Variants in PCSK6 observed in about 807,000 individuals in gnomAD.
PCSK6 encodes the protein proprotein convertase subtilisin/kexin type 6, also known as paired basic amino acid cleaving enzyme 4.
A neutral mutation model predicts 123.3 loss-of-function variants in PCSK6; 85 were observed. The observed-to-expected ratio is 0.69, with a 90% CI of 0.58 to 0.83. The LOEUF (loss-of-function observed/expected upper bound fraction) is 0.83, where lower values mean the gene tolerates loss of function less well. Ranked by LOEUF, PCSK6 falls within the 40% of genes least tolerant of loss-of-function variation. The pLI, the probability that PCSK6 is intolerant of heterozygous loss-of-function variation, is 0.00. For synonymous variants in PCSK6, 508 were observed against 516.0 expected, an observed-to-expected ratio of 0.98 and a Z score of 0.21; for missense variants, 1,191 against 1,282.3, an observed-to-expected ratio of 0.93 and a Z score of 1.09.
At chr15:101,325,460 C>T (rs1307141850) in intron 16 of PCSK6, among the ~76,000 whole-genome samples, 1 of 152,138 alleles carries the variant, frequency 6.6e-6, no homozygotes, top group East Asian at 1.9e-4. Flanking sequence ...GCTGGGAGCT[C>T]GAGGACGCCA....
At chr15:101,428,211 G>A (rs900569711) in intron 5 of PCSK6, among the ~76,000 whole-genome samples, 1 of 152,148 alleles carries the variant, frequency 6.6e-6, no homozygotes, top group African/African-American at 2.4e-5. Flanking sequence ...GCTCACGCAT[G>A]GTCACCTCTT....
intron 6 of PCSK6, among the ~76,000 whole-genome samples, chr15:101,404,036 T>G (rs537542172): frequency 6.6e-6 from 1 of 152,260 alleles, no homozygotes; most frequent in African/African-American, 2.4e-5. Flanking sequence ...AAGTGATACA[T>G]TGTTTAATTT....
rs145084138 is a variant in PCSK6 at position 101,425,845 on chromosome 15, G to C, written c.823+2047C>G. ...TATTTACTGTGCACCTCATCTGGGA[G>C]GATCTTTATGCATGTTACTTCCACT... On this transcript the variant is annotated intron_variant, in intron 6 of 21. Transcript: ENST00000611716. Among the ~76,000 whole-genome samples, 975 of 152,256 alleles carry C rather than the reference G, an allele frequency of 6.4e-3. 6 individuals carry two copies. The highest frequency in any genetic ancestry group is 0.027 in the South Asian group (131 of 4,814).
At chr15:101,384,234 T>C in intron 10 of PCSK6, 88 bp downstream of exon 10, 2 of 1,562,248 alleles carry the variant, frequency 1.3e-6, no homozygotes, top group Non-Finnish European at 1.7e-6. Context: ...ACTAATGCTA[T>C]TTGGAGAGTC....
At chr15:101,476,134 A>C (rs2057725420) in intron 1 of PCSK6, among the ~76,000 whole-genome samples, 1 of 152,244 alleles carries the variant, frequency 6.6e-6, no homozygotes, top group Admixed American at 6.5e-5. Context: ...CCACATCTGT[A>C]AAATGAGGGT....
chr15:101,354,972 T>C (rs774317744), intron 13 of PCSK6, among the ~76,000 whole-genome samples: 1 of 152,252 alleles, frequency 6.6e-6, no homozygotes, highest in Non-Finnish European at 1.5e-5. Context: ...CGAGATAAAA[T>C]AGCACCCAGT....
intron 11 of PCSK6, among the ~76,000 whole-genome samples, chr15:101,371,028 G>C (rs1443281417): frequency 2.6e-5 from 4 of 152,196 alleles, no homozygotes; most frequent in Non-Finnish European, 5.9e-5. Flanking sequence ...GGCCAATACG[G>C]TGAAACCCTG....
chr15:101,405,398 G>A (rs141797277), intron 6 of PCSK6, among the ~76,000 whole-genome samples: 2 of 152,312 alleles, frequency 1.3e-5, no homozygotes, highest in East Asian at 3.9e-4. Flanking sequence ...CTAAGGACGA[G>A]TCTGTGGGTG....
intron 9 of PCSK6, among the ~76,000 whole-genome samples, chr15:101,388,289 T>G (rs2042129081): frequency 6.6e-6 from 1 of 152,228 alleles, no homozygotes; most frequent in African/African-American, 2.4e-5. Context: ...TACGCTCAGT[T>G]TGTCTTGTGC....
At chr15:101,386,260 A>C (rs545276370) in intron 9 of PCSK6, among the ~76,000 whole-genome samples, 1 of 152,118 alleles carries the variant, frequency 6.6e-6, no homozygotes, top group Non-Finnish European at 1.5e-5. Context: ...CAGAAGAGAG[A>C]GAGCTGAAGT....
chr15:101,432,138 T>C (rs1278868233), intron 2 of PCSK6, 38 bp from the exon 3 acceptor site: 2 of 1,523,516 alleles, frequency 1.3e-6, no homozygotes, highest in East Asian at 2.3e-5. Flanking sequence ...ATATTAGAAA[T>C]GATTTCTTGA....
At chr15:101,481,681 C>T (rs750989499) in intron 1 of PCSK6, among the ~76,000 whole-genome samples, 16 of 152,224 alleles carry the variant, frequency 1.1e-4, no homozygotes, top group African/African-American at 3.1e-4. Context: ...CAGGAGGAGG[C>T]GATGGTGACC....
At chr15:101,338,182 A>G (rs1410495058) in intron 13 of PCSK6, among the ~76,000 whole-genome samples, 3 of 152,146 alleles carry the variant, frequency 2.0e-5, no homozygotes, top group Admixed American at 2.0e-4. Flanking sequence ...CTTGATAAGA[A>G]TCACCCCCTC....
intron 1 of PCSK6, among the ~76,000 whole-genome samples, chr15:101,446,409 G>A (rs1418707501): frequency 6.6e-6 from 1 of 152,196 alleles, no homozygotes; most frequent in Non-Finnish European, 1.5e-5. Context: ...TTATGGACAC[G>A]TGGATTACTC....
Position 101,447,994 on chromosome 15 carries a change from G to A in PCSK6, c.298-4334C>T, listed in dbSNP as rs577395210. Among the ~76,000 whole-genome samples the A allele has an allele frequency of 1.2e-4, 18 of 152,334 alleles. No individual in the cohort carries two copies. The East Asian group carries it at 3.5e-3, about 29-fold the overall frequency. ...GCGTCCCAGTCCTGCTCAGCCCCGT[G>A]TCCTCCCCTGACCTCCATCTGCTCT... On this transcript the variant is annotated intron_variant, in intron 1 of 21. Transcript: ENST00000611716.
intron 1 of PCSK6, among the ~76,000 whole-genome samples, chr15:101,472,385 G>T (rs916529091): frequency 7.9e-5 from 12 of 152,252 alleles, no homozygotes; most frequent in African/African-American, 2.4e-4. Flanking sequence ...TGTTTCTAAC[G>T]ATGGGACAAT....
At position 101,384,019 on chromosome 15, in the gene PCSK6, G is replaced by A. The variant is rs557081472; in HGVS notation, c.1414+303C>T. 1.0e-5 allele frequency: 8 copies of A among 762,532 alleles called. No individual in the cohort carries two copies. The East Asian group carries it at 6.5e-4, about 62-fold the overall frequency. 47.2% of individuals were successfully genotyped at this position (762,532 alleles called of 1,614,324 possible). On this transcript the variant is annotated intron_variant, in intron 10 of 21. Transcript: ENST00000611716. ...CTAGTAGCTGCGACTATAGGCACAC[G>A]TCATTGCTCCTGGCTTAAAGAGAAC...
At position 101,476,981 on chromosome 15, in the gene PCSK6, G is replaced by A. The variant is rs113252401; in HGVS notation, c.297+12393C>T. ...AGGGCATGTGGGGCGGGGAAGCAGC[G>A]CAGTGGCAGAGCCTCTTCCACCTCC... On this transcript the variant is annotated intron_variant, in intron 1 of 21. Coordinates refer to ENST00000611716, the MANE Select transcript of PCSK6 (RefSeq NM_002570.5). Among the ~76,000 whole-genome samples the A allele has an allele frequency of 5.4e-3, 818 of 152,222 alleles. 11 individuals carry two copies. Among genetic ancestry groups the A allele is most frequent in the Non-Finnish European group, 5.5e-3 (377 of 68,016 alleles).
At chr15:101,362,354 C>A (rs1005719997) in intron 13 of PCSK6, among the ~76,000 whole-genome samples, 3 of 152,236 alleles carry the variant, frequency 2.0e-5, no homozygotes, top group Non-Finnish European at 4.4e-5. Context: ...TGCCCAGAAG[C>A]AGGAGGCTGC....
Sources: gnomAD v4.1 joint callset for allele counts (sites outside exome capture counted in the v4.1 genomes callset) on GRCh38, gnomAD v4.1.1 for gene constraint, MANE v1.5 for transcripts, NCBI Gene and HGNC (gene_info 2026-07-23, HGNC 2026-07-21) for gene names.